The following BCKDHB variants were observed in gnomAD, a reference collection of about 807,000 sequenced individuals.
BCKDHB encodes the protein branched chain keto acid dehydrogenase E1 subunit beta, also known as 2-oxoisovalerate dehydrogenase subunit beta, mitochondrial.
Under a neutral mutation model 48.5 loss-of-function variants are expected in BCKDHB, and 41 were observed. The observed-to-expected ratio is 0.85, with a 90% CI of 0.66 to 1.10. The LOEUF is 1.10. BCKDHB is among the 50% of genes least tolerant of loss of function. The pLI is 0.00. For synonymous variants in BCKDHB, 201 were observed against 174.8 expected, an observed-to-expected ratio of 1.15 and a Z score of -1.18; for missense variants, 496 against 494.2, an observed-to-expected ratio of 1.00 and a Z score of -0.03.
chr6:80,346,789 C>A (rs73467544), downstream of BCKDHB, among the ~76,000 whole-genome samples: 10,905 of 152,122 alleles, frequency 0.072, 573 homozygotes, highest in South Asian at 0.25. Context: ...TCTTACTCTG[C>A]CTCTTCTGCC....
chr6:80,422,660 G>C, the BCKDHB span, among the ~76,000 whole-genome samples: 1 of 152,212 alleles, frequency 6.6e-6, no homozygotes, highest in South Asian at 2.1e-4. Flanking sequence ...GTGAGACATG[G>C]AGTCAAAGGA....
chr6:80,411,599 C>T, the BCKDHB span, among the ~76,000 whole-genome samples: 1 of 152,248 alleles, frequency 6.6e-6, no homozygotes, highest in Non-Finnish European at 1.5e-5. Flanking sequence ...GTAGGCCTTG[C>T]TGAGATGTGT....
chr6:80,142,812 T>C (rs1295088656), intron 3 of BCKDHB, among the ~76,000 whole-genome samples: 1 of 152,162 alleles, frequency 6.6e-6, no homozygotes, highest in Non-Finnish European at 1.5e-5. Flanking sequence ...AAAATGGGCC[T>C]GCTGCCACTG....
chr6:80,141,377 A>G (rs999654515), intron 3 of BCKDHB, among the ~76,000 whole-genome samples: 1 of 152,102 alleles, frequency 6.6e-6, no homozygotes, highest in Non-Finnish European at 1.5e-5. Context: ...AAAAAGTTTG[A>G]AAAAAATCTA....
rs369457638 is a variant in BCKDHB, at chr6:80,345,020, A to G, written c.*1216A>G. 1.3e-5 allele frequency: 2 copies of G among 152,164 alleles called. No homozygotes were observed. Among genetic ancestry groups the G allele is most frequent in the East Asian group, 3.9e-4 (2 of 5,188 alleles). 9.4% of individuals were successfully genotyped at this position (152,164 alleles called of 1,614,324 possible). ...CAAACAAACCCTAAAACTCAGCACC[A>G]CTACCATTTCCAGAAGCTTTTTTAA... On this transcript the variant is annotated 3_prime_UTR_variant, in exon 10 of 10. Coordinates refer to ENST00000320393, the MANE Select transcript of BCKDHB (RefSeq NM_183050.4).
chr6:80,349,202 TGTTAACCTTGAAA>T (rs924880936), downstream of BCKDHB, among the ~76,000 whole-genome samples: 2 of 152,218 alleles, frequency 1.3e-5, no homozygotes. Flanking sequence ...ATTATTCTGC[TGTTAACCTTGAAA>T]GTTTAATAAT....
chr6:80,171,190 C>A, intron 5 of BCKDHB, 92 bp from the exon 6 acceptor site: 1 of 715,742 alleles, frequency 1.4e-6, no homozygotes, highest in Non-Finnish European at 2.5e-6. Context: ...TAATTAGTAA[C>A]AATTGATTAT....
chr6:80,309,231 T>C (rs1055599902), intron 9 of BCKDHB, among the ~76,000 whole-genome samples: 1 of 152,038 alleles, frequency 6.6e-6, no homozygotes, highest in South Asian at 2.1e-4. Flanking sequence ...ACCTGGCTAA[T>C]TTTTGTATTT....
chr6:80,260,246 T>C (rs1777242711), intron 8 of BCKDHB, among the ~76,000 whole-genome samples: 1 of 151,996 alleles, frequency 6.6e-6, no homozygotes, highest in Admixed American at 6.6e-5. Context: ...TAAAATACAA[T>C]CTTACCATTT....
At chr6:80,375,387 T>G in the BCKDHB span, among the ~76,000 whole-genome samples, 4 of 152,214 alleles carry the variant, frequency 2.6e-5, no homozygotes, top group East Asian at 7.7e-4. Context: ...CGGGTTAATT[T>G]GAAAGCCTTG....
chr6:80,410,077 G>T, the BCKDHB span, among the ~76,000 whole-genome samples: 1 of 152,208 alleles, frequency 6.6e-6, no homozygotes, highest in Admixed American at 6.5e-5. Context: ...TTTTGCAGTT[G>T]CTGGTACTGG....
At chr6:80,438,525 A>G in the BCKDHB span, among the ~76,000 whole-genome samples, 2 of 152,338 alleles carry the variant, frequency 1.3e-5, no homozygotes, top group East Asian at 1.9e-4. Flanking sequence ...ATACCACTAA[A>G]TAACTCCAAA....
intron 3 of BCKDHB, among the ~76,000 whole-genome samples, chr6:80,132,888 TAAA>T (rs1000374139): frequency 1.3e-5 from 2 of 152,214 alleles, no homozygotes; most frequent in Non-Finnish European, 2.9e-5. Context: ...AACATATACT[TAAA>T]AAATTATCTG....
At chr6:80,400,744 A>G in the BCKDHB span, among the ~76,000 whole-genome samples, 1 of 151,998 alleles carries the variant, frequency 6.6e-6, no homozygotes, top group South Asian at 2.1e-4. Flanking sequence ...AAATTTTTCT[A>G]CCGTAAAGAC....
chr6:80,383,511 T>C, the BCKDHB span, among the ~76,000 whole-genome samples: 3 of 152,130 alleles, frequency 2.0e-5, no homozygotes, highest in East Asian at 5.8e-4. Context: ...ATCCTGTGCA[T>C]AACCAAATCA....
the BCKDHB span, chr6:80,374,279 A>ATT: frequency 4.0e-5 from 35 of 871,818 alleles, no homozygotes; most frequent in Non-Finnish European, 6.4e-5. Context: ...TACTGTCTGC[A>ATT]TTTTTAAGCA....
the BCKDHB span, among the ~76,000 whole-genome samples, chr6:80,422,933 G>T: frequency 0.38 from 58,488 of 152,024 alleles, 14,043 homozygotes; most frequent in Non-Finnish European, 0.54. Context: ...GACTTTGGGG[G>T]ACTGTTGGGA....
intron 3 of BCKDHB, among the ~76,000 whole-genome samples, chr6:80,166,667 AAAATTCTAAC>A (rs1772586891): frequency 6.6e-6 from 1 of 152,152 alleles, no homozygotes; most frequent in African/African-American, 2.4e-5. Flanking sequence ...AAAAAAAAAA[AAAATTCTAAC>A]ATAAGAATTT....
At chr6:80,461,929 T>C in the BCKDHB span, among the ~76,000 whole-genome samples, 2 of 152,144 alleles carry the variant, frequency 1.3e-5, no homozygotes, top group Non-Finnish European at 2.9e-5. Context: ...CTGCCTTTAA[T>C]CAAATGCTTG....
Sources: allele counts gnomAD v4.1 joint callset (sites outside exome capture counted in the v4.1 genomes callset), GRCh38; gene constraint gnomAD v4.1.1; transcripts MANE v1.5; gene names NCBI Gene and HGNC (gene_info 2026-07-23, HGNC 2026-07-21).